Variants in TBL1X observed in about 807,000 individuals in gnomAD.
TBL1X encodes transducin beta like 1 X-linked.
TBL1X carries 10 observed loss-of-function variants against 50.7 expected under a neutral mutation model. The ratio of observed to expected loss-of-function variants is 0.20; its 90% confidence interval spans 0.12 to 0.33. The LOEUF is 0.33. Among genes scored for constraint, TBL1X ranks in the 10% least tolerant of loss-of-function variants. The pLI, the probability that TBL1X is intolerant of heterozygous loss-of-function variation, is 1.00. For synonymous variants in TBL1X, 190 were observed against 214.7 expected (o/e 0.88, Z 1.01); for missense variants, 340 against 504.4 (o/e 0.67, Z 3.12).
intron 2 of TBL1X, among the ~76,000 whole-genome samples, chrX:9,611,897 T>G (rs1489564257): frequency 3.6e-5 from 4 of 112,153 alleles, no homozygotes; most frequent in African/African-American, 1.3e-4. Flanking sequence ...TGGGGAGCCC[T>G]GTGAGTTTGT....
Position 9,693,381 on chromosome X carries a change from C to T in TBL1X, c.1015C>T (p.Arg339Ter), listed in dbSNP as rs1601844140. 8.3e-7 allele frequency: 1 copy of T among 1,209,826 alleles called. No individual in the cohort carries two copies. The highest frequency in any genetic ancestry group is 1.1e-6 in the Non-Finnish European group (1 of 894,549). Reference protein sequence around the residue: ...KGPIFALKWNRKGNYILSAGV... With the variant: ...KGPIFALKWN Reference sequence around the variant, plus strand: ...CCCCATCTTTGCCTTGAAATGGAACCGAAAGGGGAATTACATTTTGAGTGC... The same window carrying T: ...CCCCATCTTTGCCTTGAAATGGAACTGAAAGGGGAATTACATTTTGAGTGC... The change falls in exon 11 of 18, where the codon CGA becomes TGA. Residue 339 changes from arginine (R) to a stop codon, truncating the protein, a stop_gained. Coordinates refer to ENST00000645353, the MANE Select transcript of TBL1X (RefSeq NM_005647.4). LOFTEE classifies it high-confidence loss of function.
chrX:9,555,684 C>G (rs1198584126), intron 2 of TBL1X, among the ~76,000 whole-genome samples: 1 of 111,859 alleles, frequency 8.9e-6, no homozygotes, highest in African/African-American at 3.3e-5. Flanking sequence ...GTTCCAGTTT[C>G]TCTATATCCT....
At chrX:9,542,541 A>G (rs1266159410) in intron 2 of TBL1X, among the ~76,000 whole-genome samples, 1 of 111,870 alleles carries the variant, frequency 8.9e-6, no homozygotes, top group Non-Finnish European at 1.9e-5. Flanking sequence ...AATTTTCATC[A>G]TGACCTGAGC....
At chrX:9,690,973 G>T (rs2083093076) in intron 7 of TBL1X, among the ~76,000 whole-genome samples, 1 of 111,337 alleles carries the variant, frequency 9.0e-6, no homozygotes, top group African/African-American at 3.3e-5. Context: ...TTGAACTCCT[G>T]GTCTCAAGCA....
intron 2 of TBL1X, among the ~76,000 whole-genome samples, chrX:9,511,619 G>A (rs1429377001): frequency 8.9e-6 from 1 of 112,470 alleles, no homozygotes; most frequent in Non-Finnish European, 1.9e-5. Flanking sequence ...ATTTCTGTCT[G>A]TTTTGTACAC....
chrX:9,488,865 A>T lies in TBL1X; in HGVS notation c.-200-12915A>T, dbSNP rs751996380. ...GATTGATTGGTTGGTTGATTGAGTG[A>T]TTAATAGAGACAGTCTCATTTTGTT... On this transcript the variant is annotated intron_variant, in intron 1 of 17. Coordinates refer to ENST00000645353, the MANE Select transcript of TBL1X (RefSeq NM_005647.4). 2.7e-5 allele frequency among the ~76,000 whole-genome samples: 3 copies of T among 111,251 alleles called. No homozygotes were observed. The South Asian group carries it at 1.1e-3, about 42-fold the overall frequency.
Position 9,513,181 on chromosome X carries a change from T to G in TBL1X, c.-131+11332T>G, listed in dbSNP as rs779800611. On this transcript the variant is annotated intron_variant, in intron 2 of 17. Transcript: ENST00000645353. ...TTAATTCCTATGATGACCTCTCTGC[T>G]TTTTTATTTTTTAAGTTAAAAGGAG... Among the ~76,000 whole-genome samples the G allele has an allele frequency of 5.4e-5, 6 of 111,265 alleles. No individual in the cohort carries two copies. In the Admixed American group the frequency reaches 5.7e-4, roughly 11 times the overall value.
At chrX:9,638,760 G>A (rs1267167223) in intron 2 of TBL1X, among the ~76,000 whole-genome samples, 1 of 111,518 alleles carries the variant, frequency 9.0e-6, no homozygotes, top group Non-Finnish European at 1.9e-5. Context: ...ACTTATTGTG[G>A]TGACAGCTGC....
At position 9,648,111 on chromosome X, in the gene TBL1X, GCCAAAGGCTCCCTGAAT is replaced by G. The variant is rs1365317701; in HGVS notation, c.-42-5431_-42-5415del. On this transcript the variant is annotated intron_variant, in intron 3 of 17. Transcript: ENST00000645353. Reference sequence around the variant, plus strand: ...TAGAAGTCAGGGTCTCTGGCGCTTGGCCAAAGGCTCCCTGAATCCCACATCTTTACCTGTTCTCTGTG... The same window carrying G: ...TAGAAGTCAGGGTCTCTGGCGCTTGGCCCACATCTTTACCTGTTCTCTGTG... 2.7e-5 allele frequency among the ~76,000 whole-genome samples: 3 copies of G among 110,633 alleles called. No homozygotes were observed. In the Admixed American group the frequency reaches 2.9e-4, roughly 11 times the overall value.
intron 2 of TBL1X, among the ~76,000 whole-genome samples, chrX:9,582,289 A>C (rs150586791): frequency 4.5e-5 from 5 of 112,113 alleles, no homozygotes; most frequent in African/African-American, 1.6e-4. Flanking sequence ...CCCATGTTAC[A>C]TAAATTAGAT....
intron 5 of TBL1X, among the ~76,000 whole-genome samples, chrX:9,682,767 T>G (rs187775581): frequency 3.4e-3 from 385 of 112,265 alleles, no homozygotes; most frequent in Admixed American, 5.9e-3. Flanking sequence ...AGGCTGACAG[T>G]CCTGCCTCCT....
At chrX:9,479,748 A>G (rs2081869332) in intron 1 of TBL1X, among the ~76,000 whole-genome samples, 1 of 111,660 alleles carries the variant, frequency 9.0e-6, no homozygotes, top group South Asian at 3.7e-4. Flanking sequence ...CTGGGGACAC[A>G]TGGAGTTAGC....
At chrX:9,528,601 A>T (rs766807527) in intron 2 of TBL1X, among the ~76,000 whole-genome samples, 2 of 106,895 alleles carry the variant, frequency 1.9e-5, no homozygotes, top group Non-Finnish European at 3.9e-5. Context: ...GGTGACCCGC[A>T]GCTGCACATG....
intron 2 of TBL1X, among the ~76,000 whole-genome samples, chrX:9,539,370 G>A (rs894804653): frequency 1.5e-4 from 17 of 111,234 alleles, no homozygotes; most frequent in Admixed American, 1.4e-3. Flanking sequence ...GAAGTTGACC[G>A]TATGTACTCT....
intron 5 of TBL1X, among the ~76,000 whole-genome samples, chrX:9,673,746 C>T (rs547238032): frequency 8.9e-6 from 1 of 112,494 alleles, no homozygotes; most frequent in East Asian, 2.8e-4. Context: ...TCCCCATCCA[C>T]AAATTCAACC....
intron 7 of TBL1X, among the ~76,000 whole-genome samples, chrX:9,689,250 C>T (rs971203250): frequency 8.9e-6 from 1 of 112,360 alleles, no homozygotes; most frequent in Non-Finnish European, 1.9e-5. Context: ...TTACCTGGTA[C>T]GTCTTGGCTC....
chrX:9,555,900 T>C (rs1021494114), intron 2 of TBL1X, among the ~76,000 whole-genome samples: 9 of 110,897 alleles, frequency 8.1e-5, no homozygotes, highest in African/African-American at 3.0e-4. Context: ...AATAAAGAAA[T>C]GAATGGGTTG....
At chrX:9,582,909 C>T (rs145103355) in intron 2 of TBL1X, among the ~76,000 whole-genome samples, 117 of 112,519 alleles carry the variant, frequency 1.0e-3, no homozygotes, top group African/African-American at 3.7e-3. Flanking sequence ...CTTGTCTCAT[C>T]GTCCCCTCAC....
At chrX:9,599,490 G>A (rs1262025257) in intron 2 of TBL1X, among the ~76,000 whole-genome samples, 1 of 112,221 alleles carries the variant, frequency 8.9e-6, no homozygotes, top group Non-Finnish European at 1.9e-5. Flanking sequence ...GGGTCTCTCA[G>A]CAGGGCAGGG....
Sources: gnomAD v4.1 joint callset for allele counts (sites outside exome capture counted in the v4.1 genomes callset) on GRCh38, gnomAD v4.1.1 for gene constraint, MANE v1.5 for transcripts, NCBI Gene and HGNC (gene_info 2026-07-23, HGNC 2026-07-21) for gene names.